Variants in PLOD2 observed in about 807,000 individuals in gnomAD.
The protein encoded by PLOD2 is lysine hydroxylase 2.
A neutral mutation model predicts 101.0 loss-of-function variants in PLOD2; 65 were observed. The ratio of observed to expected loss-of-function variants is 0.64; its 90% CI spans 0.53 to 0.79. The LOEUF is 0.79. PLOD2 is among the 30% of genes least tolerant of loss of function. The pLI, the probability that PLOD2 is intolerant of heterozygous loss-of-function variation, is 0.00. For missense variants in PLOD2, 909 were observed against 914.6 expected (o/e 0.99, Z 0.08); for synonymous variants, 314 against 302.9 (o/e 1.04, Z -0.38).
At chr3:146,119,946 G>A (rs1258485657) in intron 3 of PLOD2, among the ~76,000 whole-genome samples, 1 of 152,042 alleles carries the variant, frequency 6.6e-6, no homozygotes, top group African/African-American at 2.4e-5. Flanking sequence ...ATAATCCTTT[G>A]GGTATATACC....
chr3:146,120,134 T>C (rs1185597080), intron 3 of PLOD2, among the ~76,000 whole-genome samples: 1 of 152,194 alleles, frequency 6.6e-6, no homozygotes, highest in Non-Finnish European at 1.5e-5. Context: ...TGATCGCCAT[T>C]CTAACTCGTG....
chr3:146,099,673 G>A (rs906996715), intron 7 of PLOD2, among the ~76,000 whole-genome samples: 5 of 151,680 alleles, frequency 3.3e-5, no homozygotes, highest in Non-Finnish European at 5.9e-5. Context: ...GACATGAGGT[G>A]TGAACCACCG....
intron 1 of PLOD2, among the ~76,000 whole-genome samples, chr3:146,156,709 T>C (rs370495627): frequency 1.3e-5 from 2 of 152,232 alleles, no homozygotes; most frequent in African/African-American, 4.8e-5. Context: ...TTTTCCCTTT[T>C]AGCAAAGCTT....
At chr3:146,134,430 T>C (rs1269910207) in intron 1 of PLOD2, among the ~76,000 whole-genome samples, 4 of 152,144 alleles carry the variant, frequency 2.6e-5, no homozygotes, top group Admixed American at 2.6e-4. Context: ...CCTTCACAAA[T>C]AGAGCGGACT....
At chr3:146,084,194 T>C (rs950166505) in intron 11 of PLOD2, among the ~76,000 whole-genome samples, 13 of 152,090 alleles carry the variant, frequency 8.5e-5, no homozygotes, top group African/African-American at 3.1e-4. Context: ...TGCCAAATGA[T>C]CAAAACCTCA....
chr3:146,103,640 A>G (rs1221856923), intron 6 of PLOD2, among the ~76,000 whole-genome samples: 1 of 151,972 alleles, frequency 6.6e-6, no homozygotes, highest in Non-Finnish European at 1.5e-5. Context: ...TCTTTTTACT[A>G]AATGGACTGA....
intron 3 of PLOD2, among the ~76,000 whole-genome samples, chr3:146,113,794 C>T (rs952644789): frequency 6.6e-6 from 1 of 152,102 alleles, no homozygotes; most frequent in Non-Finnish European, 1.5e-5. Flanking sequence ...GAAAAAAGAA[C>T]AGGATAACAG....
At chr3:146,099,436 G>A (rs1001249359) in intron 7 of PLOD2, among the ~76,000 whole-genome samples, 8 of 152,040 alleles carry the variant, frequency 5.3e-5, no homozygotes, top group Non-Finnish European at 1.2e-4. Context: ...TCGCTTTGTC[G>A]CCCAGGCTGG....
At chr3:146,079,890 TA>T (rs1217090153) in intron 12 of PLOD2, among the ~76,000 whole-genome samples, 4 of 151,974 alleles carry the variant, frequency 2.6e-5, no homozygotes, top group Non-Finnish European at 5.9e-5. Flanking sequence ...AAATATTTTA[TA>T]GAAAAAGGAA....
chr3:146,160,975 C>A lies in PLOD2; in HGVS notation c.15G>T (p.Thr5=). The A allele has an allele frequency of 6.3e-7, 1 of 1,587,120 alleles. No individual in the cohort carries two copies. The highest frequency in any genetic ancestry group is 1.8e-5 in the Admixed American group (1 of 56,920). MGGC[T]VKPQLLLLAL... is the part of the protein sequence containing the mutation. ...CCAGGAGCAGCAGCTGAGGCTTCAC[C>A]GTGCATCCCCCCATATTCGGCCCTC... Residue 5 remains threonine, a synonymous_variant, in exon 1 of 20, where the codon ACG becomes ACT. Coordinates refer to ENST00000282903, the MANE Select transcript of PLOD2 (RefSeq NM_182943.3).
chr3:146,112,432 A>C (rs528880000), intron 3 of PLOD2, among the ~76,000 whole-genome samples: 1 of 152,180 alleles, frequency 6.6e-6, no homozygotes, highest in South Asian at 2.1e-4. Context: ...CTCACTCATA[A>C]GTGGGAGCTG....
At chr3:146,098,725 T>C (rs1036112895) in intron 7 of PLOD2, among the ~76,000 whole-genome samples, 8 of 152,102 alleles carry the variant, frequency 5.3e-5, no homozygotes, top group Non-Finnish European at 1.0e-4. Context: ...ATAGATTATA[T>C]ACATTTTTAA....
rs981136640 is a variant in PLOD2, at chr3:146,151,726, G to C, written c.109+9155C>G. Among the ~76,000 whole-genome samples, 25 of 152,142 alleles carry C rather than the reference G, an allele frequency of 1.6e-4. 1 individual carries two copies. The highest frequency in any genetic ancestry group is 2.4e-5 in the African/African-American group (1 of 41,426). ...GTTTTATACATACATTATTTTCCCT[G>C]TAAGAATCTTAGAATTTCAATACAG... On this transcript the variant is annotated intron_variant, in intron 1 of 19. Transcript: ENST00000282903.
chr3:146,147,751 A>T (rs1010093150), intron 1 of PLOD2, among the ~76,000 whole-genome samples: 2 of 152,306 alleles, frequency 1.3e-5, no homozygotes, highest in East Asian at 3.9e-4. Context: ...CAAGAAAAAT[A>T]ATTTCAGAAA....
At chr3:146,100,071 G>A (rs994205664) in intron 7 of PLOD2, among the ~76,000 whole-genome samples, 10 of 151,898 alleles carry the variant, frequency 6.6e-5, no homozygotes, top group African/African-American at 2.2e-4. Flanking sequence ...AGTAGAGACG[G>A]GGTTTCACCA....
In PLOD2 at chr3:146,070,488, A is replaced by G; in HGVS notation, c.*229T>C. On this transcript the variant is annotated 3_prime_UTR_variant, in exon 20 of 20. Transcript: ENST00000282903. The stretch of plus-strand genomic sequence containing the variant: ...AACAAAGCATAGAAATAAATATTTA[A>G]GTTTTTTCTTTCTTTTCTTCTTCAA... The G allele has an allele frequency of 6.1e-6, 2 of 329,780 alleles. No individual in the cohort carries two copies. Among genetic ancestry groups the G allele is most frequent in the Non-Finnish European group, 1.1e-5 (2 of 180,972 alleles). 20.4% of individuals were successfully genotyped at this position (329,780 alleles called of 1,614,324 possible).
At chr3:146,088,436 C>A (rs1383853575) in intron 9 of PLOD2, 150 bp downstream of exon 9, 8 of 605,856 alleles carry the variant, frequency 1.3e-5, no homozygotes, top group Non-Finnish European at 2.4e-5. Flanking sequence ...AATCTAAAAT[C>A]CTTAGGTCCT....
chr3:146,077,858 A>T lies in PLOD2; in HGVS notation c.1563+4T>A, dbSNP rs777884342. The T allele has an allele frequency of 3.9e-6, 6 of 1,540,536 alleles. No individual in the cohort carries two copies. The highest frequency in any genetic ancestry group is 1.4e-5 in the African/African-American group (1 of 72,930). ...AAAATAAATAAAATAAGTAAAAATA[A>T]CACCTTTGGGGGGCTGAGCATTTGG... On this transcript the variant is annotated splice_donor_region_variant and intron_variant, in intron 14 of 19. Coordinates refer to ENST00000282903, the MANE Select transcript of PLOD2 (RefSeq NM_182943.3).
intron 3 of PLOD2, among the ~76,000 whole-genome samples, chr3:146,113,838 G>A (rs563696662): frequency 1.3e-5 from 2 of 152,120 alleles, no homozygotes; most frequent in Non-Finnish European, 2.9e-5. Flanking sequence ...TAACCATCAG[G>A]TCTGACTGCC....
Sources: gnomAD v4.1 joint callset for allele counts (sites outside exome capture counted in the v4.1 genomes callset) on GRCh38, gnomAD v4.1.1 for gene constraint, MANE v1.5 for transcripts, NCBI Gene and HGNC (gene_info 2026-07-23, HGNC 2026-07-21) for gene names.